The following COL25A1 variants were observed in gnomAD, a reference collection of about 807,000 sequenced individuals.
COL25A1 encodes the protein collagen alpha-1(XXV) chain.
In COL25A1, 103 loss-of-function variants were observed where a neutral mutation model predicts 128.4. The ratio of observed to expected loss-of-function variants is 0.80; its 90% CI spans 0.68 to 0.94. The LOEUF is 0.94. Among genes scored for constraint, COL25A1 ranks in the 40% least tolerant of loss-of-function variants. COL25A1 has a pLI of 0.00. For synonymous variants in COL25A1, 279 were observed against 277.2 expected, an observed-to-expected ratio of 1.01 and a Z score of -0.06; for missense variants, 745 against 840.0, an observed-to-expected ratio of 0.89 and a Z score of 1.40.
intron 5 of COL25A1, among the ~76,000 whole-genome samples, chr4:109,012,809 G>T (rs920017130): frequency 2.0e-5 from 3 of 152,198 alleles, no homozygotes; most frequent in African/African-American, 7.2e-5. Flanking sequence ...GCCGCCCCCT[G>T]CTCCGCAGCA....
At chr4:109,046,451 CCATAGCT>C (rs1331638315) in intron 5 of COL25A1, among the ~76,000 whole-genome samples, 1 of 152,152 alleles carries the variant, frequency 6.6e-6, no homozygotes, top group Admixed American at 6.5e-5. Context: ...CTACCTCTTG[CCATAGCT>C]AATGTGGATT....
intron 6 of COL25A1, among the ~76,000 whole-genome samples, chr4:108,992,264 T>C (rs1754303556): frequency 6.6e-6 from 1 of 152,160 alleles, no homozygotes; most frequent in Non-Finnish European, 1.5e-5. Flanking sequence ...ACTAACAATT[T>C]TATGCGAAAG....
chr4:109,129,740 C>T (rs1241595610), intron 3 of COL25A1, among the ~76,000 whole-genome samples: 2 of 152,102 alleles, frequency 1.3e-5, no homozygotes, highest in Non-Finnish European at 2.9e-5. Flanking sequence ...GGCACCCATA[C>T]CATATTTTCA....
At chr4:109,218,357 G>GTTTTTTTTTTTTTTTTTTT (rs34056401) in intron 3 of COL25A1, among the ~76,000 whole-genome samples, 131 of 73,576 alleles carry the variant, frequency 1.8e-3, no homozygotes, top group African/African-American at 3.2e-3. Context: ...GTTTTTTGGG[G>GTTTTTTTTTTTTTTTTTTT]TTTTTTTTTT....
intron 11 of COL25A1, among the ~76,000 whole-genome samples, chr4:108,921,359 C>T (rs1745468127): frequency 6.6e-6 from 1 of 151,824 alleles, no homozygotes; most frequent in Non-Finnish European, 1.5e-5. Flanking sequence ...CAAGGCATGG[C>T]TTTGAGACAG....
At chr4:109,121,071 C>A (rs1443353310) in intron 3 of COL25A1, among the ~76,000 whole-genome samples, 1 of 151,996 alleles carries the variant, frequency 6.6e-6, no homozygotes, top group Non-Finnish European at 1.5e-5. Flanking sequence ...AAAATCCCAG[C>A]AAGTTACTTT....
At chr4:109,014,221 C>A (rs1200010775) in intron 5 of COL25A1, among the ~76,000 whole-genome samples, 1 of 151,980 alleles carries the variant, frequency 6.6e-6, no homozygotes. Flanking sequence ...GTGAGAGAAT[C>A]ACTTGAGTCC....
chr4:109,112,045 T>C (rs146832543), intron 3 of COL25A1, among the ~76,000 whole-genome samples: 232 of 152,248 alleles, frequency 1.5e-3, no homozygotes, highest in African/African-American at 5.2e-3. Flanking sequence ...TTCTTAGTCT[T>C]GGTTGCTTTA....
intron 3 of COL25A1, among the ~76,000 whole-genome samples, chr4:109,062,343 A>G (rs888043522): frequency 4.6e-5 from 7 of 152,226 alleles, no homozygotes; most frequent in African/African-American, 1.4e-4. Context: ...CTTAACTATC[A>G]TAAGGGCTTT....
intron 6 of COL25A1, among the ~76,000 whole-genome samples, chr4:108,986,602 G>A (rs1753692149): frequency 6.6e-6 from 1 of 152,130 alleles, no homozygotes; most frequent in Non-Finnish European, 1.5e-5. Flanking sequence ...AAATGTCCTA[G>A]AAAAACTGAT....
intron 3 of COL25A1, among the ~76,000 whole-genome samples, chr4:109,281,699 A>C (rs561631517): frequency 1.3e-5 from 2 of 152,184 alleles, no homozygotes; most frequent in Non-Finnish European, 2.9e-5. Flanking sequence ...AAAGCTCAAT[A>C]GCATTCAATA....
chr4:109,174,644 C>T (rs1208765319), intron 3 of COL25A1, among the ~76,000 whole-genome samples: 2 of 152,310 alleles, frequency 1.3e-5, no homozygotes, highest in East Asian at 1.9e-4. Flanking sequence ...CTGTCAATGT[C>T]ACCTGTCCCA....
intron 3 of COL25A1, among the ~76,000 whole-genome samples, chr4:109,106,516 G>A (rs1391308798): frequency 6.6e-6 from 1 of 151,754 alleles, no homozygotes; most frequent in African/African-American, 2.4e-5. Context: ...CTACCTTACA[G>A]GATTATTCAT....
chr4:108,973,719 C>T (rs1054152680), intron 8 of COL25A1, among the ~76,000 whole-genome samples: 2 of 152,122 alleles, frequency 1.3e-5, no homozygotes, highest in Admixed American at 6.5e-5. Context: ...TAATAAGGCA[C>T]AGATGTGAAG....
At chr4:109,198,802 C>T (rs992288308) in intron 3 of COL25A1, among the ~76,000 whole-genome samples, 19 of 152,270 alleles carry the variant, frequency 1.2e-4, no homozygotes, top group Non-Finnish European at 2.4e-4. Context: ...GGGATGCTTT[C>T]CTGAAGACTT....
intron 3 of COL25A1, among the ~76,000 whole-genome samples, chr4:109,060,701 C>CAAAAAAA (rs34073673): frequency 0.011 from 1,636 of 147,278 alleles, 29 homozygotes; most frequent in African/African-American, 0.04. Flanking sequence ...AAAAAAAAAA[C>CAAAAAAA]AAAAAAACAT....
intron 3 of COL25A1, among the ~76,000 whole-genome samples, chr4:109,243,732 G>T (rs1780060529): frequency 6.6e-6 from 1 of 151,990 alleles, no homozygotes; most frequent in South Asian, 2.1e-4. Context: ...ATTTCTCTGA[G>T]AGTGAGATTT....
At chr4:109,204,405 T>C (rs1776821508) in intron 3 of COL25A1, among the ~76,000 whole-genome samples, 1 of 152,118 alleles carries the variant, frequency 6.6e-6, no homozygotes, top group Admixed American at 6.6e-5. Context: ...ACCAGAAAGC[T>C]CTTTTCCGCC....
At chr4:109,116,006 G>A (rs1010679989) in intron 3 of COL25A1, among the ~76,000 whole-genome samples, 1 of 152,002 alleles carries the variant, frequency 6.6e-6, no homozygotes, top group Non-Finnish European at 1.5e-5. Flanking sequence ...CCAAAAACTG[G>A]GGAGACAGAC....
Sources: gnomAD v4.1 joint callset for allele counts (sites outside exome capture counted in the v4.1 genomes callset) on GRCh38, gnomAD v4.1.1 for gene constraint, MANE v1.5 for transcripts, NCBI Gene and HGNC (gene_info 2026-07-23, HGNC 2026-07-21) for gene names.